NFIC: variants seen among roughly 807,000 people sequenced by gnomAD.
NFIC encodes the protein nuclear factor 1 C-type.
In NFIC, 12 loss-of-function variants were observed where a neutral mutation model predicts 54.4. The ratio of observed to expected loss-of-function variants is 0.22; its 90% confidence interval spans 0.14 to 0.36. NFIC has a LOEUF of 0.36. Ranked by LOEUF, NFIC falls within the 10% of genes least tolerant of loss-of-function variation. NFIC has a pLI of 1.00. For synonymous variants in NFIC, 322 were observed against 319.2 expected, an observed-to-expected ratio of 1.01 and a Z score of -0.09; for missense variants, 575 against 718.2, an observed-to-expected ratio of 0.80 and a Z score of 2.28.
intron 3 of NFIC, among the ~76,000 whole-genome samples, chr19:3,426,289 G>C (rs1332617725): frequency 1.3e-5 from 2 of 151,818 alleles, no homozygotes; most frequent in Non-Finnish European, 2.9e-5. Context: ...ATGTTGCTCA[G>C]ACTGGTCTCA....
In NFIC at chr19:3,452,439, G is replaced by T; in HGVS notation, c.1085-43G>T. 6.2e-7 allele frequency: 1 copy of T among 1,602,960 alleles called. No individual in the cohort carries two copies. Among genetic ancestry groups the T allele is most frequent in the Non-Finnish European group, 8.5e-7 (1 of 1,177,376 alleles). On this transcript the variant is annotated intron_variant, in intron 7 of 10. Coordinates refer to ENST00000443272, the MANE Select transcript of NFIC (RefSeq NM_001245002.2). This position sits in a 1 kb window ranked among gnomAD's most constrained non-coding sequence, Gnocchi z 5.3. ...AGTCACACGGTCACAGAGCAGACCG[G>T]CTGGAGCCCCCAAGTAACCCCCGCT...
chr19:3,438,216 C>A (rs2082234971), intron 6 of NFIC, among the ~76,000 whole-genome samples: 1 of 152,128 alleles, frequency 6.6e-6, no homozygotes, highest in African/African-American at 2.4e-5. Flanking sequence ...GGAGCTCAGT[C>A]TGACTTTTCT....
At chr19:3,374,028 G>C (rs2081066102) in intron 1 of NFIC, among the ~76,000 whole-genome samples, 1 of 152,236 alleles carries the variant, frequency 6.6e-6, no homozygotes, top group Admixed American at 6.5e-5. Context: ...GAAGGCATTA[G>C]AACTAAGGCT....
chr19:3,428,451 A>G (rs2082062825), intron 3 of NFIC, among the ~76,000 whole-genome samples: 1 of 148,370 alleles, frequency 6.7e-6, no homozygotes, highest in African/African-American at 2.5e-5. Flanking sequence ...GACTGTCTCA[A>G]AAAAAAAAAA....
intron 2 of NFIC, among the ~76,000 whole-genome samples, chr19:3,399,127 G>A (rs2081513191): frequency 6.6e-6 from 1 of 152,200 alleles, no homozygotes; most frequent in Non-Finnish European, 1.5e-5. Flanking sequence ...GGGCAATGCA[G>A]GAAGACGTGA....
intron 3 of NFIC, among the ~76,000 whole-genome samples, chr19:3,426,568 C>T (rs372446204): frequency 6.6e-6 from 1 of 152,130 alleles, no homozygotes. Flanking sequence ...AGTCAGGGCC[C>T]GTCCCTCCTC....
chr19:3,427,235 TCA>T (rs1351394719), intron 3 of NFIC, among the ~76,000 whole-genome samples: 1 of 152,096 alleles, frequency 6.6e-6, no homozygotes, highest in Admixed American at 6.6e-5. Context: ...CTGGCTACCC[TCA>T]GTCTCAGCCC....
rs373505012 is a variant in NFIC at position 3,370,640 on chromosome 19, T to C, written c.30+3974T>C. ...TCTCTCCCTCTCTCCTTCTCTCTTC[T>C]CTCTCTCTTTCTCCCTCCCTACCTC... On this transcript the variant is annotated intron_variant, in intron 1 of 10. Transcript: ENST00000443272. The surrounding 1 kb of genome is among the most constrained non-coding windows in gnomAD (Gnocchi z 5.2). Among the ~76,000 whole-genome samples, 1 of 150,150 alleles carries C rather than the reference T, an allele frequency of 6.7e-6. No homozygotes were observed.
intron 7 of NFIC, among the ~76,000 whole-genome samples, chr19:3,451,595 C>T (rs2082463423): frequency 6.6e-6 from 1 of 150,556 alleles, no homozygotes; most frequent in African/African-American, 2.5e-5. Context: ...CATGCCCCTG[C>T]ACTCCAGCCT....
In NFIC at chr19:3,369,755, C is replaced by G. The variant is rs78325792; in HGVS notation, c.30+3089C>G. Among the ~76,000 whole-genome samples the G allele has an allele frequency of 0.12, 19,012 of 152,270 alleles. 1,489 individuals carry two copies. The highest frequency in any genetic ancestry group is 0.17 in the Non-Finnish European group (11,822 of 67,992). Reference sequence around the variant, plus strand: ...CTGCTCTGGGCCTCCCTCCCTGCCTCCCTCCCGCTGGCGCCACCGCCACGT... The same window carrying G: ...CTGCTCTGGGCCTCCCTCCCTGCCTGCCTCCCGCTGGCGCCACCGCCACGT... On this transcript the variant is annotated intron_variant, in intron 1 of 10. Transcript: ENST00000443272. The surrounding 1 kb of genome is among the most constrained non-coding windows in gnomAD (Gnocchi z 4.3).
Position 3,458,463 on chromosome 19 carries a change from G to A in NFIC, c.1509+1828G>A, listed in dbSNP as rs989705115. 1.3e-5 allele frequency among the ~76,000 whole-genome samples: 2 copies of A among 152,158 alleles called. No homozygotes were observed. The highest frequency in any genetic ancestry group is 2.9e-5 in the Non-Finnish European group (2 of 68,010). On this transcript the variant is annotated intron_variant, in intron 10 of 10. Coordinates refer to ENST00000443272, the MANE Select transcript of NFIC (RefSeq NM_001245002.2). The surrounding 1 kb of genome is among the most constrained non-coding windows in gnomAD (Gnocchi z 4.1). ...GACCAGGCCCTCCCGCCAGGGCCCGGGACCCTTCTCTCAGACTGTGCTGGC... is the reference window on the plus strand; with the variant it reads ...GACCAGGCCCTCCCGCCAGGGCCCGAGACCCTTCTCTCAGACTGTGCTGGC...
Position 3,370,529 on chromosome 19 carries a change from C to T in NFIC, c.30+3863C>T, listed in dbSNP as rs1166640265. Reference sequence around the variant, plus strand: ...TCTCCCTCCCTTTCTCCCCCCATCTCGCTCTCTCCTCCTCTCTCCCTCTCT... The same window carrying T: ...TCTCCCTCCCTTTCTCCCCCCATCTTGCTCTCTCCTCCTCTCTCCCTCTCT... On this transcript the variant is annotated intron_variant, in intron 1 of 10. Coordinates refer to ENST00000443272, the MANE Select transcript of NFIC (RefSeq NM_001245002.2). The surrounding 1 kb of genome is among the most constrained non-coding windows in gnomAD (Gnocchi z 5.2). Among the ~76,000 whole-genome samples the T allele has an allele frequency of 3.3e-5, 5 of 150,212 alleles. No homozygotes were observed. Among genetic ancestry groups the T allele is most frequent in the Non-Finnish European group, 5.9e-5 (4 of 67,456 alleles).
chr19:3,379,717 C>T (rs1200716995), intron 1 of NFIC, among the ~76,000 whole-genome samples: 3 of 121,426 alleles, frequency 2.5e-5, no homozygotes, highest in East Asian at 5.5e-4. Context: ...TCAGGGGTCT[C>T]ACTACGTTGT....
chr19:3,434,965 G>C, intron 5 of NFIC, 118 bp from the exon 6 acceptor site: 1 of 1,338,694 alleles, frequency 7.5e-7, no homozygotes, highest in Non-Finnish European at 1.0e-6. Flanking sequence ...GCGATGTCTC[G>C]CGATACTACC....
Position 3,388,503 on chromosome 19 carries a change from G to A in NFIC, c.562+6260G>A, listed in dbSNP as rs1027177648. ...CACAAAGCTCCTCAGGGGCAGAGCC[G>A]GAATGAGAATCCAGAACCCCTTTGA... On this transcript the variant is annotated intron_variant, in intron 2 of 10. Coordinates refer to ENST00000443272, the MANE Select transcript of NFIC (RefSeq NM_001245002.2). 7.2e-5 allele frequency among the ~76,000 whole-genome samples: 11 copies of A among 152,242 alleles called. 1 individual carries two copies. The highest frequency in any genetic ancestry group is 5.9e-4 in the Admixed American group (9 of 15,282).
intron 2 of NFIC, among the ~76,000 whole-genome samples, chr19:3,410,042 T>C (rs1483789543): frequency 4.3e-5 from 1 of 23,448 alleles, no homozygotes. Context: ...ACTGCGTCTC[T>C]ACTTTTTTTT....
At chr19:3,423,153 G>A (rs1441050938) in intron 2 of NFIC, among the ~76,000 whole-genome samples, 3 of 151,520 alleles carry the variant, frequency 2.0e-5, no homozygotes, top group African/African-American at 2.4e-5. Flanking sequence ...AGCCGCGATC[G>A]CACCACTGCA....
Position 3,464,257 on chromosome 19 carries a change from G to T in NFIC, c.*1488G>T. On this transcript the variant is annotated 3_prime_UTR_variant, in exon 11 of 11. Coordinates refer to ENST00000443272, the MANE Select transcript of NFIC (RefSeq NM_001245002.2). The stretch of plus-strand genomic sequence containing the variant: ...GAGGAGGCCGACGCCAGCGGTCCCC[G>T]CTCGGAACGGGGAGGGTTTTCGGGG... The T allele has an allele frequency of 1.0e-6, 1 of 985,318 alleles. No homozygotes were observed. Among genetic ancestry groups the T allele is most frequent in the Non-Finnish European group, 1.2e-6 (1 of 829,898 alleles). The allele number at this position is 985,318 out of a possible 1,614,324, so 61.0% of individuals were successfully genotyped here.
intron 2 of NFIC, among the ~76,000 whole-genome samples, chr19:3,407,315 G>A (rs1032844780): frequency 6.6e-6 from 1 of 151,746 alleles, no homozygotes; most frequent in Admixed American, 6.6e-5. Flanking sequence ...GGGTTTCACT[G>A]TGTTAGCCAG....
Sources: allele counts gnomAD v4.1 joint callset (sites outside exome capture counted in the v4.1 genomes callset), GRCh38; gene constraint gnomAD v4.1.1; non-coding constraint Gnocchi (gnomAD v3.1); transcripts MANE v1.5; gene names NCBI Gene and HGNC (gene_info 2026-07-23, HGNC 2026-07-21).